The following DNAH8 variants were observed in gnomAD, a reference collection of about 807,000 sequenced individuals.
DNAH8 encodes axonemal beta dynein heavy chain 8.
DNAH8 carries 382 observed loss-of-function variants against 562.1 expected under a neutral mutation model. That is an observed-to-expected ratio of 0.68 (90% CI 0.63 to 0.74). The LOEUF is 0.74. Ranked by LOEUF, DNAH8 falls within the 30% of genes least tolerant of loss-of-function variation. DNAH8 has a pLI of 0.00. For missense variants in DNAH8, 5,203 were observed against 5,620.4 expected (o/e 0.93, Z 2.37); for synonymous variants, 1,881 against 1,919.4 (o/e 0.98, Z 0.52).
chr6:38,827,459 G>C (rs781497442), intron 29 of DNAH8, among the ~76,000 whole-genome samples: 42 of 152,052 alleles, frequency 2.8e-4, no homozygotes, highest in Non-Finnish European at 5.3e-4. Context: ...TGGTTTTGTT[G>C]TCTATAAACA....
rs764067274 is a variant in DNAH8 at position 38,838,033 on chromosome 6, A to G, written c.4457A>G (p.His1486Arg). The G allele has an allele frequency of 8.1e-6, 13 of 1,604,768 alleles. No homozygotes were observed. The highest frequency in any genetic ancestry group is 1.0e-5 in the Non-Finnish European group (12 of 1,174,576). Residue 1486 changes from histidine (H) to arginine (R), a missense_variant, in exon 33 of 93, where the codon CAC becomes CGC. Physicochemically the swap from His to Arg is conservative, Grantham distance 29. Coordinates refer to ENST00000327475, the MANE Select transcript of DNAH8 (RefSeq NM_001206927.2). ...CCTGTGACTGATTATGAGGTTTTAC[A>G]CAAAACCAGGTAAGTTTAGAAAATA... The part of the protein sequence containing the change: ...GLPVTDYEVL[H>R]KTRKELNLLQ...
At chr6:38,833,662 A>G (rs537701819) in intron 31 of DNAH8, among the ~76,000 whole-genome samples, 2 of 152,334 alleles carry the variant, frequency 1.3e-5, no homozygotes, top group African/African-American at 4.8e-5. Flanking sequence ...ACAACTTTAT[A>G]AATGAAACCA....
intron 8 of DNAH8, among the ~76,000 whole-genome samples, chr6:38,742,469 T>G (rs1764598026): frequency 6.6e-6 from 1 of 151,864 alleles, no homozygotes; most frequent in Non-Finnish European, 1.5e-5. Flanking sequence ...GCCCGGCTAA[T>G]TTTTGTATTT....
chr6:38,832,594 A>G (rs1165386761), intron 31 of DNAH8, among the ~76,000 whole-genome samples, 159 bp downstream of exon 31: 1 of 152,248 alleles, frequency 6.6e-6, no homozygotes, highest in African/African-American at 2.4e-5. Flanking sequence ...CCTTTAAACC[A>G]GGGATGTCCA....
rs138406301 is a variant in DNAH8, at chr6:38,872,775, T to G, written c.7230T>G (p.Ala2410=). 18 of 1,614,036 alleles carry G rather than the reference T, an allele frequency of 1.1e-5. No individual in the cohort carries two copies. Among genetic ancestry groups the G allele is most frequent in the Middle Eastern group, 1.7e-4 (1 of 6,060 alleles). Residue 2410 remains alanine, a synonymous_variant, in exon 50 of 93, where the codon GCT becomes GCG. Coordinates refer to ENST00000327475, the MANE Select transcript of DNAH8 (RefSeq NM_001206927.2). ...CTCTGTGGAGAAAAACATTAAAAGC[T>G]AAAAAAGGTATACACAAACCTCCTT... ...FSTLWRKTLK[A]KKGENIFLIL...
At chr6:38,807,822 A>G (rs748490053) in intron 24 of DNAH8, 106 bp downstream of exon 24, 10 of 491,606 alleles carry the variant, frequency 2.0e-5, no homozygotes, top group Non-Finnish European at 3.2e-5. Context: ...AAAATATAGC[A>G]TTCATTAAAA....
At chr6:38,836,255 G>A (rs1774278401) in intron 32 of DNAH8, among the ~76,000 whole-genome samples, 1 of 152,006 alleles carries the variant, frequency 6.6e-6, no homozygotes, top group Admixed American at 6.6e-5. Context: ...CAGCAACTGG[G>A]ACATTATGTG....
At chr6:38,932,256 A>G (rs570658211) in intron 76 of DNAH8, among the ~76,000 whole-genome samples, 1 of 151,078 alleles carries the variant, frequency 6.6e-6, no homozygotes, top group East Asian at 1.9e-4. Context: ...TTCTAGGTGT[A>G]CTGACTCTCT....
intron 76 of DNAH8, among the ~76,000 whole-genome samples, chr6:38,934,672 G>C (rs1782811901): frequency 6.6e-6 from 1 of 152,154 alleles, no homozygotes; most frequent in African/African-American, 2.4e-5. Context: ...TTTAGTGAGA[G>C]TATCAGTGAT....
chr6:38,812,903 GA>G (rs1771925051), intron 24 of DNAH8, among the ~76,000 whole-genome samples: 1 of 152,126 alleles, frequency 6.6e-6, no homozygotes, highest in African/African-American at 2.4e-5. Context: ...CTACAATATG[GA>G]AAGAATAATA....
intron 36 of DNAH8, among the ~76,000 whole-genome samples, chr6:38,847,627 A>G (rs1444847074): frequency 1.3e-5 from 2 of 152,114 alleles, no homozygotes; most frequent in East Asian, 1.9e-4. Flanking sequence ...GACCGTACCC[A>G]GAAAAAACCC....
Position 38,857,625 on chromosome 6 carries a change from G to A in DNAH8, c.5841G>A (p.Leu1947=). The A allele has an allele frequency of 1.2e-6, 2 of 1,613,670 alleles. No individual in the cohort carries two copies. Among genetic ancestry groups the A allele is most frequent in the Non-Finnish European group, 1.7e-6 (2 of 1,179,752 alleles). The part of the protein sequence containing the change: ...KIMQVTNQKF[L]DILNTLISQT... ...TGCAAGTGACCAATCAGAAATTTTTGGATATTCTAAATACTCTCATTAGTC... is the reference window on the plus strand; with the variant it reads ...TGCAAGTGACCAATCAGAAATTTTTAGATATTCTAAATACTCTCATTAGTC... Residue 1947 remains leucine, a synonymous_variant, in exon 42 of 93, where the codon TTG becomes TTA. Transcript: ENST00000327475.
At position 38,911,510 on chromosome 6, in the gene DNAH8, A is replaced by C; in HGVS notation, c.9783A>C (p.Ser3261=). Residue 3261 remains serine (S), a synonymous_variant, in exon 66 of 93, where the codon TCA becomes TCC. Coordinates refer to ENST00000327475, the MANE Select transcript of DNAH8 (RefSeq NM_001206927.2). ...RAHVTPKSYL[S]FINGYKNIYA... ...ATGTGACTCCCAAATCTTACCTCTC[A>C]TTTATAAATGGTTATAAAAACATTT... The C allele has an allele frequency of 3.7e-6, 6 of 1,613,730 alleles. No homozygotes were observed. Among genetic ancestry groups the C allele is most frequent in the Non-Finnish European group, 5.1e-6 (6 of 1,179,668 alleles).
rs34764423 is a variant in DNAH8, at chr6:38,806,780, CA to C, written c.3151-820del. ...TGGGCGACAGAGCAAGACTCTGTCTCAAAAAAAAAATAATAATAATAATAAA... is the reference window on the plus strand; with the variant it reads ...TGGGCGACAGAGCAAGACTCTGTCTCAAAAAAAAATAATAATAATAATAAA... On this transcript the variant is annotated intron_variant, in intron 23 of 92. Coordinates refer to ENST00000327475, the MANE Select transcript of DNAH8 (RefSeq NM_001206927.2). 5.5e-3 allele frequency among the ~76,000 whole-genome samples: 713 copies of C among 128,574 alleles called. 9 individuals carry two copies. The highest frequency in any genetic ancestry group is 0.019 in the African/African-American group (680 of 35,846). The allele number at this position is 128,574 out of a possible 152,430, so 84.3% of individuals were successfully genotyped here. A position where few individuals can be genotyped will look rare whatever the true frequency, so the allele number is the denominator to read the frequency against.
intron 7 of DNAH8, 150 bp from the exon 8 acceptor site, chr6:38,741,561 T>G (rs531042374): frequency 1.8e-6 from 1 of 564,016 alleles, no homozygotes; most frequent in South Asian, 3.7e-5. Context: ...TTGAAGACAT[T>G]CTCCTCTAGT....
intron 6 of DNAH8, 78 bp downstream of exon 6, chr6:38,737,334 G>A: frequency 1.1e-6 from 1 of 892,590 alleles, no homozygotes; most frequent in Non-Finnish European, 1.5e-6. Flanking sequence ...CAGAGAAAAA[G>A]TTTCTATCTT....
intron 79 of DNAH8, among the ~76,000 whole-genome samples, chr6:38,940,659 C>T (rs955789233): frequency 1.3e-5 from 2 of 152,186 alleles, no homozygotes; most frequent in African/African-American, 4.8e-5. Flanking sequence ...ACACATGTCA[C>T]TTACGCTCCT....
At position 38,951,324 on chromosome 6, in the gene DNAH8, G is replaced by C. The variant is rs771043522; in HGVS notation, c.12255G>C (p.Trp4085Cys). 1.2e-6 allele frequency: 2 copies of C among 1,613,956 alleles called. No homozygotes were observed. Among genetic ancestry groups the C allele is most frequent in the South Asian group, 2.2e-5 (2 of 91,052 alleles). ...AACTTGTATTCATTTTTAGGTCTTG[G>C]TGCCCAGACCGTACTGTTTTTCAAG... ...TCHKLLLIRS[W>C]CPDRTVFQAR... The change falls in exon 82 of 93, where the codon TGG becomes TGC. Residue 4085 changes from tryptophan (W) to cysteine (C), a missense_variant. Trp to Cys is a radical substitution (Grantham distance 215, BLOSUM62 -2). This residue lies in a region of DNAH8 where 1,399 missense variants were observed against 1,518.4 expected (regional missense o/e 0.92). Transcript: ENST00000327475.
chr6:39,018,555 T>G (rs2281348), intron 91 of DNAH8, among the ~76,000 whole-genome samples: 21,572 of 152,190 alleles, frequency 0.14, 1,679 homozygotes, highest in African/African-American at 0.2. Flanking sequence ...TGTAGCATGC[T>G]CATTCCTCAC....
Sources: gnomAD v4.1 joint callset for allele counts (sites outside exome capture counted in the v4.1 genomes callset) on GRCh38, gnomAD v4.1.1 for gene constraint, gnomAD v4.1.1 regional missense constraint, MANE v1.5 for transcripts, NCBI Gene and HGNC (gene_info 2026-07-23, HGNC 2026-07-21) for gene names.